SH3RF1: variants seen among roughly 807,000 people sequenced by gnomAD.
SH3RF1 encodes the protein E3 ubiquitin-protein ligase SH3RF1.
In SH3RF1, 32 loss-of-function variants were observed where a neutral mutation model predicts 74.0. That is an observed-to-expected ratio of 0.43 (90% confidence interval 0.33 to 0.58). The LOEUF is 0.58. SH3RF1 is among the 20% of genes least tolerant of loss of function. The pLI is 0.05. For missense variants in SH3RF1, 954 were observed against 1,130.9 expected (o/e 0.84, Z 2.24); for synonymous variants, 396 against 439.6 (o/e 0.90, Z 1.24).
chr4:169,136,822 A>C (rs1305509039), intron 4 of SH3RF1, among the ~76,000 whole-genome samples: 1 of 152,240 alleles, frequency 6.6e-6, no homozygotes, highest in Non-Finnish European at 1.5e-5. Context: ...GTAGATATTA[A>C]ATCAAGAATA....
chr4:169,185,421 G>A (rs933224705), intron 2 of SH3RF1, among the ~76,000 whole-genome samples: 1 of 152,072 alleles, frequency 6.6e-6, no homozygotes, highest in East Asian at 1.9e-4. Context: ...CTCTTTAGCT[G>A]CCCAGAAAAA....
rs745720349 is a variant in SH3RF1, at chr4:169,117,780, G to A, written c.1520C>T (p.Ala507Val). 37 of 1,606,992 alleles carry A rather than the reference G, an allele frequency of 2.3e-5. No homozygotes were observed. Among genetic ancestry groups the A allele is most frequent in the Admixed American group, 1.3e-4 (8 of 59,870 alleles). The change falls in exon 9 of 12, where the codon GCG (alanine) becomes GTG (valine). Residue 507 changes from alanine to valine, a missense_variant and splice_region_variant. By Grantham distance (64) the Ala-to-Val change is moderately conservative. This residue lies in a region of SH3RF1 where 854 missense variants were observed against 962.5 expected (regional missense o/e 0.89). Transcript: ENST00000284637. ...TTTAGCTTGGGAAGCATTTGTCACC[G>A]CCCTGCCAAGACACAAACATAGATG... ...PGNYVAPVTR[A>V]VTNASQAKVP...
chr4:169,103,093 T>C (rs960558213), intron 11 of SH3RF1, among the ~76,000 whole-genome samples: 22 of 141,174 alleles, frequency 1.6e-4, no homozygotes, highest in Non-Finnish European at 2.8e-4. Context: ...GCTATTTTTT[T>C]TTTTTTTTTT....
At chr4:169,117,831 A>T in intron 8 of SH3RF1, 49 bp from the exon 9 acceptor site, 1 of 1,569,588 alleles carries the variant, frequency 6.4e-7, no homozygotes, top group Non-Finnish European at 8.7e-7. Flanking sequence ...CAGCAAAATG[A>T]CAGAAAGAAC....
intron 2 of SH3RF1, among the ~76,000 whole-genome samples, chr4:169,161,993 T>C (rs1278150669): frequency 6.6e-6 from 1 of 152,070 alleles, no homozygotes; most frequent in Non-Finnish European, 1.5e-5. Context: ...CCAGCCTGGA[T>C]GACATGGCAA....
rs143282177 is a variant in SH3RF1, at chr4:169,255,189, G to A, written c.393+13631C>T. On this transcript the variant is annotated intron_variant, in intron 2 of 11. Transcript: ENST00000284637. Reference sequence around the variant, plus strand: ...TTTCAAAAAATGTTCACCCAGTGTCGTTTCTTACCCAAAACAGTACATGAA... The same window carrying A: ...TTTCAAAAAATGTTCACCCAGTGTCATTTCTTACCCAAAACAGTACATGAA... Among the ~76,000 whole-genome samples, 466 of 152,134 alleles carry A rather than the reference G, an allele frequency of 3.1e-3. 4 individuals carry two copies. Among genetic ancestry groups the A allele is most frequent in the African/African-American group, 0.011 (451 of 41,516 alleles).
intron 2 of SH3RF1, among the ~76,000 whole-genome samples, chr4:169,211,481 C>CA (rs760721489): frequency 0.56 from 50,342 of 90,606 alleles, 12,598 homozygotes; most frequent in East Asian, 0.77. Flanking sequence ...GACTCCGTCT[C>CA]AAAAAAAAAA....
At chr4:169,203,449 G>A (rs1357779960) in intron 2 of SH3RF1, among the ~76,000 whole-genome samples, 2 of 152,016 alleles carry the variant, frequency 1.3e-5, no homozygotes, top group Non-Finnish European at 2.9e-5. Flanking sequence ...TACTTGGAAG[G>A]CTGAAGTGGG....
chr4:169,156,787 G>T, intron 2 of SH3RF1, 108 bp from the exon 3 acceptor site: 1 of 994,730 alleles, frequency 1.0e-6, no homozygotes, highest in Non-Finnish European at 1.5e-6. Flanking sequence ...AAACCACACT[G>T]TAACCCTTGA....
Position 169,121,582 on chromosome 4 carries a change from G to A in SH3RF1, c.1346+518C>T, listed in dbSNP as rs543254037. Among the ~76,000 whole-genome samples, 138 of 152,278 alleles carry A rather than the reference G, an allele frequency of 9.1e-4. 1 individual carries two copies. The highest frequency in any genetic ancestry group is 3.2e-3 in the African/African-American group (132 of 41,546). On this transcript the variant is annotated intron_variant, in intron 7 of 11. Transcript: ENST00000284637. ...AAGGTGACTGTGCCCACGAACACAT[G>A]GTAACCAGGCAGGCAACATTAACCT...
At chr4:169,225,540 G>A (rs188544378) in intron 2 of SH3RF1, among the ~76,000 whole-genome samples, 3 of 152,254 alleles carry the variant, frequency 2.0e-5, no homozygotes, top group Non-Finnish European at 4.4e-5. Flanking sequence ...TGTAAAGGAG[G>A]GTAAACTGGG....
chr4:169,104,832 T>C (rs1733105921), intron 11 of SH3RF1, among the ~76,000 whole-genome samples: 1 of 147,470 alleles, frequency 6.8e-6, no homozygotes, highest in Non-Finnish European at 1.5e-5. Context: ...ACCCGGGAAA[T>C]GGAGGTTGCA....
At chr4:169,129,804 G>A (rs903853912) in intron 6 of SH3RF1, among the ~76,000 whole-genome samples, 16 of 152,188 alleles carry the variant, frequency 1.1e-4, no homozygotes, top group African/African-American at 3.9e-4. Flanking sequence ...AAAATTAAAT[G>A]TATTTTTGAG....
At chr4:169,105,146 T>C (rs376321292) in intron 11 of SH3RF1, among the ~76,000 whole-genome samples, 4 of 152,090 alleles carry the variant, frequency 2.6e-5, no homozygotes, top group South Asian at 2.1e-4. Flanking sequence ...GTCGGCAACA[T>C]AGAAAATGCT....
intron 2 of SH3RF1, among the ~76,000 whole-genome samples, chr4:169,257,539 C>CA (rs1731210677): frequency 6.6e-6 from 1 of 152,222 alleles, no homozygotes; most frequent in African/African-American, 2.4e-5. Context: ...TGCCTGACCT[C>CA]AAAGCAGCTC....
intron 2 of SH3RF1, among the ~76,000 whole-genome samples, chr4:169,213,929 A>G (rs1453663658): frequency 6.6e-6 from 1 of 152,214 alleles, no homozygotes; most frequent in Non-Finnish European, 1.5e-5. Flanking sequence ...CTTTACAGTA[A>G]GTCTTGAAGT....
chr4:169,220,533 G>A (rs1357856435), intron 2 of SH3RF1, among the ~76,000 whole-genome samples: 1 of 152,162 alleles, frequency 6.6e-6, no homozygotes, highest in Non-Finnish European at 1.5e-5. Context: ...TTGTGGGTGG[G>A]GAACACTTGC....
chr4:169,110,571 C>T (rs1294396169), intron 10 of SH3RF1, among the ~76,000 whole-genome samples: 1 of 151,976 alleles, frequency 6.6e-6, no homozygotes, highest in Non-Finnish European at 1.5e-5. Context: ...TCAAGGCTAG[C>T]TTGGGCAACA....
At chr4:169,165,533 C>T (rs1469962511) in intron 2 of SH3RF1, among the ~76,000 whole-genome samples, 1 of 149,588 alleles carries the variant, frequency 6.7e-6, no homozygotes, top group East Asian at 2.1e-4. Context: ...ACTAAAAAAA[C>T]AAAAAACTAG....
Sources: allele counts gnomAD v4.1 joint callset (sites outside exome capture counted in the v4.1 genomes callset), GRCh38; gene constraint gnomAD v4.1.1; regional missense constraint gnomAD v4.1.1; transcripts MANE v1.5; gene names NCBI Gene and HGNC (gene_info 2026-07-23, HGNC 2026-07-21).